The following UBE2H variants were observed in gnomAD, a reference collection of about 807,000 sequenced individuals.
UBE2H encodes the protein ubiquitin-conjugating enzyme E2 H.
In UBE2H, 3 loss-of-function variants were observed where a neutral mutation model predicts 29.0. The observed-to-expected ratio is 0.10, with a 90% CI of 0.05 to 0.27. The LOEUF (loss-of-function observed/expected upper bound fraction) is 0.27. Among genes scored for constraint, UBE2H ranks in the 10% least tolerant of loss-of-function variants. The pLI is 1.00. For synonymous variants in UBE2H, 69 were observed against 82.9 expected (o/e 0.83, Z 0.91); for missense variants, 68 against 228.2 (o/e 0.30, Z 4.52).
chr7:129,889,702 C>T (rs1584767820), intron 1 of UBE2H, among the ~76,000 whole-genome samples: 1 of 152,216 alleles, frequency 6.6e-6, no homozygotes, highest in East Asian at 1.9e-4. Flanking sequence ...GAACATGAGG[C>T]CGGGTGTAGT....
intron 3 of UBE2H, among the ~76,000 whole-genome samples, chr7:129,868,927 C>T (rs1480114056): frequency 2.3e-5 from 2 of 85,244 alleles, no homozygotes. Flanking sequence ...CCGGGTCTCT[C>T]TCTCTCTCTT....
At chr7:129,839,940 C>A (rs1437757251) in intron 5 of UBE2H, among the ~76,000 whole-genome samples, 2 of 152,192 alleles carry the variant, frequency 1.3e-5, no homozygotes, top group Non-Finnish European at 2.9e-5. Context: ...AAACTCCTAA[C>A]CTCAAGTGAC....
At chr7:129,907,317 G>C (rs1806838881) in intron 1 of UBE2H, among the ~76,000 whole-genome samples, 2 of 151,986 alleles carry the variant, frequency 1.3e-5, no homozygotes, top group African/African-American at 4.8e-5. Context: ...GAAGTAATCA[G>C]TAAAGCCTGG....
intron 1 of UBE2H, among the ~76,000 whole-genome samples, chr7:129,925,939 C>T (rs1236478037): frequency 6.6e-6 from 1 of 152,170 alleles, no homozygotes; most frequent in Non-Finnish European, 1.5e-5. Context: ...TTACTACCAG[C>T]CAACTACAAT....
chr7:129,888,221 TTGAA>T (rs1201391888), intron 1 of UBE2H, among the ~76,000 whole-genome samples: 11 of 152,234 alleles, frequency 7.2e-5, no homozygotes, highest in African/African-American at 2.4e-5. Context: ...AAAAGAGAAA[TTGAA>T]TGGCAGAAAT....
At chr7:129,854,480 G>T (rs942131039) in intron 5 of UBE2H, among the ~76,000 whole-genome samples, 1 of 152,170 alleles carries the variant, frequency 6.6e-6, no homozygotes, top group African/African-American at 2.4e-5. Context: ...TCACACTCCT[G>T]TATTATGGAA....
intron 1 of UBE2H, among the ~76,000 whole-genome samples, chr7:129,939,996 A>G (rs982472658): frequency 1.2e-4 from 18 of 152,070 alleles, no homozygotes; most frequent in Non-Finnish European, 2.6e-4. Context: ...GAAAAGCAAA[A>G]TCCAGATTAC....
intron 1 of UBE2H, among the ~76,000 whole-genome samples, chr7:129,920,018 T>C (rs561067653): frequency 1.5e-4 from 22 of 151,400 alleles, no homozygotes; most frequent in African/African-American, 5.3e-4. Context: ...AAGCTGAAAA[T>C]GAGCACTGTC....
chr7:129,907,358 C>T (rs1404456794), intron 1 of UBE2H, among the ~76,000 whole-genome samples: 1 of 151,802 alleles, frequency 6.6e-6, no homozygotes, highest in East Asian at 1.9e-4. Flanking sequence ...TTGAGCCAGA[C>T]TTTAAGGAAA....
intron 1 of UBE2H, among the ~76,000 whole-genome samples, chr7:129,941,569 A>G (rs1317594053): frequency 6.6e-6 from 1 of 152,082 alleles, no homozygotes; most frequent in Non-Finnish European, 1.5e-5. Flanking sequence ...AGCCAAACTA[A>G]AAGTTCCAGC....
At chr7:129,856,987 A>C (rs1483133371) in intron 5 of UBE2H, 1 of 152,540 alleles carries the variant, frequency 6.6e-6, no homozygotes, top group Non-Finnish European at 1.5e-5. Flanking sequence ...CATTTTGCAG[A>C]GCTGGGCAAT....
intron 5 of UBE2H, among the ~76,000 whole-genome samples, chr7:129,848,033 G>A (rs867816597): frequency 1.3e-5 from 2 of 152,114 alleles, no homozygotes; most frequent in African/African-American, 4.8e-5. Context: ...CTATACTCTC[G>A]CCTTTGTAAT....
chr7:129,929,781 G>A (rs1480178205), intron 1 of UBE2H, among the ~76,000 whole-genome samples: 3 of 152,108 alleles, frequency 2.0e-5, no homozygotes, highest in South Asian at 2.1e-4. Context: ...AGGCCAAGGC[G>A]GGCTGATCAC....
intron 1 of UBE2H, among the ~76,000 whole-genome samples, chr7:129,934,105 T>C (rs538301706): frequency 2.0e-5 from 3 of 152,258 alleles, no homozygotes; most frequent in Admixed American, 6.5e-5. Flanking sequence ...GCAGATCACT[T>C]GAGCTCAGGA....
At chr7:129,862,527 C>T (rs1018748198) in intron 3 of UBE2H, among the ~76,000 whole-genome samples, 2 of 151,824 alleles carry the variant, frequency 1.3e-5, no homozygotes, top group African/African-American at 2.4e-5. Flanking sequence ...AAGGTTGGGG[C>T]GGGGTGGCAA....
chr7:129,856,012 A>C (rs939331205), intron 5 of UBE2H, among the ~76,000 whole-genome samples: 4 of 152,302 alleles, frequency 2.6e-5, no homozygotes, highest in African/African-American at 9.6e-5. Context: ...CTGAGGAAGT[A>C]ATATGTGAGA....
intron 5 of UBE2H, among the ~76,000 whole-genome samples, chr7:129,844,853 G>C (rs1159020280): frequency 6.6e-6 from 1 of 152,224 alleles, no homozygotes; most frequent in African/African-American, 2.4e-5. Context: ...AACAGGCTGG[G>C]CACAGTGGCT....
At chr7:129,867,082 GATATT>G (rs1424654925) in intron 3 of UBE2H, among the ~76,000 whole-genome samples, 1 of 152,160 alleles carries the variant, frequency 6.6e-6, no homozygotes, top group East Asian at 1.9e-4. Flanking sequence ...AACATGAGAG[GATATT>G]ATGATTTACA....
At chr7:129,871,337 T>C (rs1656060930) in intron 3 of UBE2H, among the ~76,000 whole-genome samples, 1 of 152,246 alleles carries the variant, frequency 6.6e-6, no homozygotes, top group African/African-American at 2.4e-5. Context: ...TGGCTTATAT[T>C]CTCATAGCAT....
Sources: gnomAD v4.1 joint callset for allele counts (sites outside exome capture counted in the v4.1 genomes callset) on GRCh38, gnomAD v4.1.1 for gene constraint, MANE v1.5 for transcripts, NCBI Gene and HGNC (gene_info 2026-07-23, HGNC 2026-07-21) for gene names.